The following OSBPL3 variants were observed in gnomAD, a reference collection of about 807,000 sequenced individuals.
OSBPL3 encodes oxysterol binding protein like 3.
In OSBPL3, 65 loss-of-function variants were observed where a neutral mutation model predicts 120.1. The observed-to-expected ratio is 0.54, with a 90% CI of 0.44 to 0.67. OSBPL3 has a LOEUF of 0.67. Ranked by LOEUF, OSBPL3 falls within the 30% of genes least tolerant of loss-of-function variation. The probability of loss-of-function intolerance (pLI) is 0.00; values close to 1 mark genes in which losing one functional copy is unlikely to be tolerated. For missense variants in OSBPL3, 1,004 were observed against 1,082.1 expected (o/e 0.93, Z 1.01); for synonymous variants, 416 against 402.6 (o/e 1.03, Z -0.40).
intron 4 of OSBPL3, 96 bp from the exon 5 acceptor site, chr7:24,870,941 C>G: frequency 1.2e-6 from 1 of 800,960 alleles, no homozygotes; most frequent in Non-Finnish European, 2.2e-6. Context: ...ATAGTAAAAT[C>G]ACAAACACTG....
chr7:24,801,830 T>A (rs540693525), intron 22 of OSBPL3, among the ~76,000 whole-genome samples: 12 of 152,338 alleles, frequency 7.9e-5, no homozygotes, highest in African/African-American at 2.9e-4. Flanking sequence ...ACTCTAGCAA[T>A]AAGGGATTCC....
intron 1 of OSBPL3, among the ~76,000 whole-genome samples, chr7:24,909,371 A>G (rs1473692831): frequency 6.6e-6 from 1 of 152,172 alleles, no homozygotes; most frequent in East Asian, 1.9e-4. Context: ...CATGGTCCTA[A>G]AAAGAGATAC....
At chr7:24,848,804 T>G (rs905154187) in intron 12 of OSBPL3, among the ~76,000 whole-genome samples, 8 of 151,974 alleles carry the variant, frequency 5.3e-5, no homozygotes, top group Admixed American at 1.3e-4. Flanking sequence ...GGGGTGACAT[T>G]TAGGAGCGAA....
At chr7:24,904,741 G>A (rs1338191065) in intron 1 of OSBPL3, among the ~76,000 whole-genome samples, 1 of 151,876 alleles carries the variant, frequency 6.6e-6, no homozygotes, top group Non-Finnish European at 1.5e-5. Flanking sequence ...GGTGAAATAA[G>A]CCAGTCACAG....
rs1792005957 is a variant in OSBPL3 at position 24,799,033 on chromosome 7, CA to C, written c.*1149del. ...ACTCACAAAAGAATGATATGGATAA[CA>C]AGAAAGTATAGGAAAGGGGTAAGAC... is the stretch of plus-strand genomic sequence containing the variant. On this transcript the variant is annotated 3_prime_UTR_variant, in exon 23 of 23. Coordinates refer to ENST00000313367, the MANE Select transcript of OSBPL3 (RefSeq NM_015550.4). The surrounding 1 kb of genome is among the most constrained non-coding windows in gnomAD (Gnocchi z 5.3). 2 of 152,488 alleles carry C rather than the reference CA, an allele frequency of 1.3e-5. No homozygotes were observed. Among genetic ancestry groups the C allele is most frequent in the Non-Finnish European group, 2.9e-5 (2 of 68,002 alleles). 9.4% of individuals were successfully genotyped at this position (152,488 alleles called of 1,614,324 possible).
chr7:24,960,306 G>A (rs948448459), intron 1 of OSBPL3, among the ~76,000 whole-genome samples: 4 of 152,056 alleles, frequency 2.6e-5, no homozygotes, highest in Admixed American at 2.0e-4. Flanking sequence ...GGCATGCCCC[G>A]CTAGTGTGGT....
chr7:24,973,772 C>T (rs1299731213), intron 1 of OSBPL3, among the ~76,000 whole-genome samples: 1 of 152,140 alleles, frequency 6.6e-6, no homozygotes. Context: ...CAATATTTCC[C>T]AATCCTTTCA....
chr7:24,915,011 T>C (rs1360907583), intron 1 of OSBPL3, among the ~76,000 whole-genome samples: 1 of 152,196 alleles, frequency 6.6e-6, no homozygotes, highest in Non-Finnish European at 1.5e-5. Context: ...AAAAATCAGA[T>C]GCCAATTTTT....
chr7:24,946,839 G>C lies in OSBPL3; in HGVS notation c.-150+33047C>G, dbSNP rs1200020037. On this transcript the variant is annotated intron_variant, in intron 1 of 22. Transcript: ENST00000313367. The surrounding 1 kb of genome is among the most constrained non-coding windows in gnomAD (Gnocchi z 4.3). ...AAAGAGAAAGAGGAGAGTGAGGAGAGAGAGAAATTGACTCCATCTATATCA... is the reference window on the plus strand; with the variant it reads ...AAAGAGAAAGAGGAGAGTGAGGAGACAGAGAAATTGACTCCATCTATATCA... 6.6e-6 allele frequency among the ~76,000 whole-genome samples: 1 copy of C among 152,196 alleles called. No homozygotes were observed. The highest frequency in any genetic ancestry group is 2.4e-5 in the African/African-American group (1 of 41,442).
chr7:24,980,728 T>C (rs1352610544), upstream of OSBPL3, among the ~76,000 whole-genome samples: 1 of 151,556 alleles, frequency 6.6e-6, no homozygotes, highest in Non-Finnish European at 1.5e-5. Context: ...ACAGCATCAG[T>C]GTGAGACCCG....
Position 24,834,700 on chromosome 7 carries a change from C to T in OSBPL3, c.1532G>A (p.Arg511Gln), listed in dbSNP as rs371735518. 9.9e-6 allele frequency: 16 copies of T among 1,613,254 alleles called. No individual in the cohort carries two copies. Among genetic ancestry groups the T allele is most frequent in the East Asian group, 2.2e-5 (1 of 44,878 alleles). ...GGGCGCCGGCAGGCACGTTCTTCTC[C>T]GGGACTTCGCTTCCCGACCACTATC... is the stretch of plus-strand genomic sequence containing the variant. ...VLDSGREAKS[R>Q]RRTCLPAPCP... is the part of the protein sequence containing the mutation. The change falls in exon 15 of 23, where the codon CGG becomes CAG. Residue 511 changes from arginine (R) to glutamine (Q), a missense_variant. Arg to Gln is a conservative substitution (Grantham distance 43). Around this residue, in one of 4 missense-constraint regions of OSBPL3, gnomAD observed 473 missense variants for 568.0 expected, o/e 0.83. Transcript: ENST00000313367. The surrounding 1 kb of genome is among the most constrained non-coding windows in gnomAD (Gnocchi z 5.2).
chr7:24,981,390 C>G (rs1225950238), upstream of OSBPL3: 1 of 152,348 alleles, frequency 6.6e-6, no homozygotes, highest in East Asian at 1.9e-4. The surrounding 1 kb of genome is among the most constrained non-coding windows in gnomAD (Gnocchi z 7.3). Context: ...GAAGACCCAA[C>G]TAACCGACCT....
Position 24,813,619 on chromosome 7 carries a change from T to A in OSBPL3, c.2172+1440A>T, listed in dbSNP as rs1466988977. ...GTCTGTCTATAATCCAGTTTGAGGC[T>A]ATAATAAAGACCCCAATCCACCTCT... On this transcript the variant is annotated intron_variant, in intron 19 of 22. Transcript: ENST00000313367. This position sits in a 1 kb window ranked among gnomAD's most constrained non-coding sequence, Gnocchi z 4.5. Among the ~76,000 whole-genome samples the A allele has an allele frequency of 1.3e-5, 2 of 152,208 alleles. No homozygotes were observed. The highest frequency in any genetic ancestry group is 2.9e-5 in the Non-Finnish European group (2 of 68,046).
intron 16 of OSBPL3, among the ~76,000 whole-genome samples, chr7:24,828,186 G>A (rs1413329254): frequency 2.0e-5 from 3 of 152,042 alleles, no homozygotes; most frequent in African/African-American, 7.2e-5. Context: ...CACCACACCT[G>A]GCTAATTTTT....
chr7:24,962,431 G>A (rs1438426935), intron 1 of OSBPL3, among the ~76,000 whole-genome samples: 2 of 94,006 alleles, frequency 2.1e-5, no homozygotes, highest in African/African-American at 4.5e-5. Flanking sequence ...GAGGGGAGAG[G>A]AGAGAGGAGG....
intron 1 of OSBPL3, among the ~76,000 whole-genome samples, chr7:24,901,272 C>T (rs939244896): frequency 1.1e-4 from 16 of 151,262 alleles, no homozygotes; most frequent in Middle Eastern, 3.5e-3. Flanking sequence ...GCTGAGATGG[C>T]GCCACTGTAC....
intron 1 of OSBPL3, among the ~76,000 whole-genome samples, chr7:24,902,155 C>T (rs913542252): frequency 6.6e-6 from 1 of 152,158 alleles, no homozygotes; most frequent in African/African-American, 2.4e-5. Flanking sequence ...GCATATAAGA[C>T]CATTTAGAAG....
At chr7:24,935,429 T>C (rs1244320648) in intron 1 of OSBPL3, among the ~76,000 whole-genome samples, 2 of 152,150 alleles carry the variant, frequency 1.3e-5, no homozygotes, top group East Asian at 3.8e-4. Flanking sequence ...TATATTTCCA[T>C]AAAATGTTAT....
Position 24,980,129 on chromosome 7 carries a change from G to A in OSBPL3, c.-393C>T. On this transcript the variant is annotated 5_prime_UTR_variant, in exon 1 of 23. Transcript: ENST00000313367. ...AGTCCCCTCTCCCGGGCCGGCTGGC[G>A]GGCGCCACCAGCACGCGGCCAGTTC... 4.9e-6 allele frequency: 4 copies of A among 823,440 alleles called. No individual in the cohort carries two copies. The highest frequency in any genetic ancestry group is 5.9e-6 in the Non-Finnish European group (4 of 682,040). 51.0% of individuals were successfully genotyped at this position (823,440 alleles called of 1,614,324 possible).
Sources: allele counts gnomAD v4.1 joint callset (sites outside exome capture counted in the v4.1 genomes callset), GRCh38; gene constraint gnomAD v4.1.1; regional missense constraint gnomAD v4.1.1; non-coding constraint Gnocchi (gnomAD v3.1); transcripts MANE v1.5; gene names NCBI Gene and HGNC (gene_info 2026-07-23, HGNC 2026-07-21).